The following CA1 variants were observed in gnomAD, a reference collection of about 807,000 sequenced individuals.
CA1 encodes the protein carbonic anhydrase 1.
Under a neutral mutation model 28.8 loss-of-function variants are expected in CA1, and 27 were observed. That is an observed-to-expected ratio of 0.94 (90% CI 0.69 to 1.29). The LOEUF (loss-of-function observed/expected upper bound fraction) is 1.29, where lower values mean the gene tolerates loss of function less well. Ranked by LOEUF, CA1 falls within the 50% of genes most tolerant of loss-of-function variation. The probability of loss-of-function intolerance (pLI) is 0.00; values close to 1 mark genes in which losing one functional copy is unlikely to be tolerated. For synonymous variants in CA1, 121 were observed against 108.8 expected, an observed-to-expected ratio of 1.11 and a Z score of -0.70; for missense variants, 335 against 310.5, an observed-to-expected ratio of 1.08 and a Z score of -0.59.
chr8:85,346,252 G>A (rs556528435), intron 1 of CA1, among the ~76,000 whole-genome samples: 1 of 152,202 alleles, frequency 6.6e-6, no homozygotes, highest in South Asian at 2.1e-4. Context: ...GAACTTTTAT[G>A]CTAATAATTA....
At chr8:85,364,401 T>C (rs563191047) in intron 1 of CA1, among the ~76,000 whole-genome samples, 8 of 152,366 alleles carry the variant, frequency 5.3e-5, no homozygotes, top group Middle Eastern at 3.4e-3. Flanking sequence ...ATGTGTATAC[T>C]TGTCTCTCCA....
At chr8:85,328,994 G>A (rs1314128173) in intron 7 of CA1, among the ~76,000 whole-genome samples, 2 of 152,048 alleles carry the variant, frequency 1.3e-5, no homozygotes, top group South Asian at 2.1e-4. Context: ...TACGTTGGGC[G>A]AGCGACTTAT....
chr8:85,352,303 T>C (rs1809442754), intron 1 of CA1, among the ~76,000 whole-genome samples: 1 of 152,150 alleles, frequency 6.6e-6, no homozygotes, highest in African/African-American at 2.4e-5. Flanking sequence ...ATGTTACAAG[T>C]GGCACTTGCA....
intron 4 of CA1, 61 bp from the exon 5 acceptor site, chr8:85,333,681 A>AACT: frequency 9.1e-7 from 1 of 1,096,082 alleles, no homozygotes; most frequent in Non-Finnish European, 1.4e-6. Context: ...AAGATAAGTT[A>AACT]TAAGTTAACT....
intron 1 of CA1, among the ~76,000 whole-genome samples, chr8:85,360,519 C>T (rs1261118079): frequency 6.6e-6 from 1 of 152,106 alleles, no homozygotes; most frequent in Non-Finnish European, 1.5e-5. Context: ...TGGCAAAACC[C>T]CATCTCTACT....
chr8:85,341,744 A>G (rs1200056175), intron 1 of CA1, 85 bp from the exon 2 acceptor site: 1 of 777,628 alleles, frequency 1.3e-6, no homozygotes, highest in African/African-American at 1.7e-5. Context: ...GCGTTTTTAT[A>G]GAAACTTACT....
At position 85,332,557 on chromosome 8, in the gene CA1, A is replaced by G. The variant is rs1348783538; in HGVS notation, c.451-5T>C. 4 of 1,608,204 alleles carry G rather than the reference A, an allele frequency of 2.5e-6. No homozygotes were observed. In the Admixed American group the frequency reaches 6.7e-5, roughly 27 times the overall value. ...CTTTGGGTTGGCCTCACCAACCTGG[A>G]GATTTAAGAAAATAAAGTATGAGAT... is the stretch of plus-strand genomic sequence containing the variant. On this transcript the variant is annotated splice_region_variant and splice_polypyrimidine_tract_variant and intron_variant, in intron 5 of 7. Coordinates refer to ENST00000523022, the MANE Select transcript of CA1 (RefSeq NM_001128831.4).
chr8:85,370,049 G>A (rs982841023), intron 1 of CA1, among the ~76,000 whole-genome samples: 8 of 152,070 alleles, frequency 5.3e-5, no homozygotes, highest in African/African-American at 1.9e-4. Context: ...GAACTGAAAT[G>A]GGGGGGAAGT....
Position 85,344,424 on chromosome 8 carries a change from G to T in CA1, c.-24-2765C>A, listed in dbSNP as rs182261367. Reference sequence around the variant, plus strand: ...TAAATTAAATGGTACTAAATTTAGGGTACTAAATATTTTTTAGTACCCTAA... The same window carrying T: ...TAAATTAAATGGTACTAAATTTAGGTTACTAAATATTTTTTAGTACCCTAA... On this transcript the variant is annotated intron_variant, in intron 1 of 7. Transcript: ENST00000523022. Among the ~76,000 whole-genome samples the T allele has an allele frequency of 4.8e-3, 702 of 146,448 alleles. 5 individuals are homozygous for T. The highest frequency in any genetic ancestry group is 0.016 in the African/African-American group (656 of 40,060).
intron 1 of CA1, among the ~76,000 whole-genome samples, chr8:85,354,000 T>A (rs1480691314): frequency 6.6e-6 from 1 of 152,084 alleles, no homozygotes; most frequent in Non-Finnish European, 1.5e-5. Flanking sequence ...AGTCTCACTG[T>A]CACCCATGCT....
intron 2 of CA1, 123 bp from the exon 3 acceptor site, chr8:85,338,572 C>T (rs770407761): frequency 6.5e-6 from 5 of 770,730 alleles, no homozygotes; most frequent in Non-Finnish European, 1.2e-5. Context: ...ATGATATTCT[C>T]TTAAGATTAA....
intron 1 of CA1, among the ~76,000 whole-genome samples, chr8:85,374,601 T>C (rs997791148): frequency 6.6e-6 from 1 of 152,210 alleles, no homozygotes; most frequent in Admixed American, 6.5e-5. Flanking sequence ...GGTTTTCTGG[T>C]CAAATTCTAA....
intron 1 of CA1, among the ~76,000 whole-genome samples, chr8:85,345,286 G>A (rs1327616019): frequency 6.6e-6 from 1 of 152,074 alleles, no homozygotes; most frequent in Non-Finnish European, 1.5e-5. Context: ...TCTGTACCCA[G>A]ACCTTTGTAT....
chr8:85,350,982 G>A (rs1480295579), intron 1 of CA1, among the ~76,000 whole-genome samples: 1 of 152,150 alleles, frequency 6.6e-6, no homozygotes, highest in African/African-American at 2.4e-5. Context: ...CCTGTCTCAG[G>A]CTCCAAGAGT....
intron 4 of CA1, 83 bp downstream of exon 4, chr8:85,336,862 G>T: frequency 1.2e-6 from 1 of 832,520 alleles, no homozygotes; most frequent in Non-Finnish European, 2.1e-6. Context: ...GAGTCATTAT[G>T]ATGTTGTCTT....
chr8:85,327,919 A>G lies in CA1; in HGVS notation c.*641T>C, dbSNP rs879930788. On this transcript the variant is annotated 3_prime_UTR_variant, in exon 8 of 8. Transcript: ENST00000523022. ...ATGGCAGAGAAGCATTGTCCTTGCT[A>G]ACGTGGGGAGAAGAAGTGAAAGCAA... 7 of 152,214 alleles carry G rather than the reference A, an allele frequency of 4.6e-5. No homozygotes were observed. Among genetic ancestry groups the G allele is most frequent in the African/African-American group, 1.7e-4 (7 of 41,446 alleles). The allele number at this position is 152,214 out of a possible 1,614,324, so 9.4% of individuals were successfully genotyped here.
chr8:85,350,772 G>C (rs1454303961), intron 1 of CA1, among the ~76,000 whole-genome samples: 1 of 152,140 alleles, frequency 6.6e-6, no homozygotes, highest in Non-Finnish European at 1.5e-5. Context: ...GGGCCTTATA[G>C]GCTAAGAACC....
intron 1 of CA1, among the ~76,000 whole-genome samples, chr8:85,345,570 C>A (rs1315230120): frequency 2.6e-5 from 4 of 152,064 alleles, no homozygotes; most frequent in Non-Finnish European, 4.4e-5. Context: ...TCAATAGACA[C>A]TTATAGAGAG....
Position 85,328,482 on chromosome 8 carries a change from TA to T in CA1, c.*77del, listed in dbSNP as rs552210741. On this transcript the variant is annotated 3_prime_UTR_variant, in exon 8 of 8. Transcript: ENST00000523022. Reference sequence around the variant, plus strand: ...CTAATATTGAAATAAATTTATTTCTTAAAAATTATTATTTTACTGGATTATG... The same window carrying T: ...CTAATATTGAAATAAATTTATTTCTTAAAATTATTATTTTACTGGATTATG... The T allele has an allele frequency of 1.3e-3, 1,084 of 841,710 alleles. 18 individuals carry two copies. The highest frequency in any genetic ancestry group is 0.012 in the South Asian group (836 of 68,632). The allele number at this position is 841,710 out of a possible 1,614,324, so 52.1% of individuals were successfully genotyped here.
Sources: gnomAD v4.1 joint callset for allele counts (sites outside exome capture counted in the v4.1 genomes callset) on GRCh38, gnomAD v4.1.1 for gene constraint, MANE v1.5 for transcripts, NCBI Gene and HGNC (gene_info 2026-07-23, HGNC 2026-07-21) for gene names.